FGGY: variants seen among roughly 807,000 people sequenced by gnomAD.
FGGY encodes the protein FGGY carbohydrate kinase domain-containing protein.
Under a neutral mutation model 71.3 loss-of-function variants are expected in FGGY, and 72 were observed. The ratio of observed to expected loss-of-function variants is 1.01; its 90% CI spans 0.84 to 1.23. FGGY has a LOEUF of 1.23. Ranked by LOEUF, FGGY falls within the 50% of genes most tolerant of loss-of-function variation. FGGY has a pLI of 0.00. For synonymous variants in FGGY, 251 were observed against 250.3 expected, an observed-to-expected ratio of 1.00 and a Z score of -0.02; for missense variants, 668 against 682.3, an observed-to-expected ratio of 0.98 and a Z score of 0.23.
intron 14 of FGGY, among the ~76,000 whole-genome samples, chr1:59,706,438 T>C (rs1433899821): frequency 6.6e-6 from 1 of 152,338 alleles, no homozygotes; most frequent in East Asian, 1.9e-4. Context: ...ACTTGGCACA[T>C]AGTACAGTAC....
intron 6 of FGGY, among the ~76,000 whole-genome samples, chr1:59,511,994 G>A (rs1349961033): frequency 2.2e-4 from 33 of 152,172 alleles, no homozygotes; most frequent in Admixed American, 2.2e-3. Flanking sequence ...AATGGTTTGA[G>A]CATTTAAACC....
chr1:59,709,054 TCATACACACA>T (rs1387045162), intron 14 of FGGY, among the ~76,000 whole-genome samples: 6 of 152,354 alleles, frequency 3.9e-5, no homozygotes, highest in African/African-American at 9.6e-5. Flanking sequence ...ATATATGTGT[TCATACACACA>T]CATACACACA....
intron 9 of FGGY, among the ~76,000 whole-genome samples, chr1:59,622,463 G>C (rs1025965727): frequency 1.3e-5 from 2 of 152,076 alleles, no homozygotes; most frequent in African/African-American, 4.8e-5. Flanking sequence ...TTAGCAGGCA[G>C]TTTATTTGGC....
At chr1:59,353,830 G>A (rs1272605232) in intron 4 of FGGY, among the ~76,000 whole-genome samples, 4 of 152,062 alleles carry the variant, frequency 2.6e-5, no homozygotes, top group Non-Finnish European at 5.9e-5. Flanking sequence ...TCCCTCATCT[G>A]CTACCTTATG....
intron 5 of FGGY, among the ~76,000 whole-genome samples, chr1:59,416,025 T>A (rs1287299080): frequency 6.6e-6 from 1 of 152,216 alleles, no homozygotes; most frequent in Non-Finnish European, 1.5e-5. Flanking sequence ...GAGGAATCTG[T>A]TGTGTGGCCA....
At chr1:59,520,934 C>A (rs192798239) in intron 7 of FGGY, among the ~76,000 whole-genome samples, 4 of 151,688 alleles carry the variant, frequency 2.6e-5, no homozygotes, top group Non-Finnish European at 4.4e-5. Context: ...TGCGCAGGAG[C>A]CAGGCCAGGC....
At chr1:59,658,618 A>G (rs965136161) in intron 11 of FGGY, among the ~76,000 whole-genome samples, 55 of 152,230 alleles carry the variant, frequency 3.6e-4, no homozygotes, top group Non-Finnish European at 6.6e-4. Flanking sequence ...GAAGAAGCAC[A>G]TGAGACAGTG....
intron 2 of FGGY, among the ~76,000 whole-genome samples, chr1:59,326,127 G>C (rs2047389050): frequency 6.6e-6 from 1 of 152,186 alleles, no homozygotes; most frequent in South Asian, 2.1e-4. Flanking sequence ...TAGCCAACAG[G>C]TGTTTGTTGA....
intron 14 of FGGY, chr1:59,680,916 G>A (rs2097491496): frequency 6.6e-6 from 1 of 152,138 alleles, no homozygotes; most frequent in Non-Finnish European, 1.5e-5. Context: ...CCTCTCACAA[G>A]GTGGTATCGT....
At chr1:59,537,599 C>T (rs1326363683) in intron 7 of FGGY, among the ~76,000 whole-genome samples, 1 of 152,220 alleles carries the variant, frequency 6.6e-6, no homozygotes, top group Non-Finnish European at 1.5e-5. Context: ...TCAAGCTATA[C>T]TACAAGGGTA....
At chr1:59,472,691 C>G (rs957625485) in intron 6 of FGGY, among the ~76,000 whole-genome samples, 2 of 152,168 alleles carry the variant, frequency 1.3e-5, no homozygotes, top group Non-Finnish European at 2.9e-5. Context: ...ATGCACCAGT[C>G]CACACTCTGT....
At chr1:59,519,654 C>T (rs2094767979) in intron 7 of FGGY, among the ~76,000 whole-genome samples, 1 of 152,196 alleles carries the variant, frequency 6.6e-6, no homozygotes, top group South Asian at 2.1e-4. Context: ...ACAACCACCA[C>T]TCTGACTGGT....
chr1:59,391,426 A>G (rs1007111465), intron 5 of FGGY, among the ~76,000 whole-genome samples: 1 of 152,220 alleles, frequency 6.6e-6, no homozygotes, highest in Non-Finnish European at 1.5e-5. Flanking sequence ...ACAGGTTCTC[A>G]GGGACTGTGC....
chr1:59,389,646 G>A (rs1394775321), intron 5 of FGGY, among the ~76,000 whole-genome samples: 3 of 152,184 alleles, frequency 2.0e-5, no homozygotes, highest in South Asian at 2.1e-4. Context: ...AGTTTAGCTT[G>A]GTGAGGAACC....
At chr1:59,400,038 G>A (rs935008545) in intron 5 of FGGY, among the ~76,000 whole-genome samples, 28 of 152,210 alleles carry the variant, frequency 1.8e-4, no homozygotes, top group African/African-American at 6.3e-4. Flanking sequence ...TAGAAACCAA[G>A]TGTGTTTTGG....
At chr1:59,690,619 G>A (rs1256404075) in intron 14 of FGGY, among the ~76,000 whole-genome samples, 1 of 152,128 alleles carries the variant, frequency 6.6e-6, no homozygotes, top group African/African-American at 2.4e-5. Flanking sequence ...CCATATAAGG[G>A]TCCAAGTCTT....
intron 1 of FGGY, among the ~76,000 whole-genome samples, chr1:59,298,257 C>A (rs951331558): frequency 6.6e-6 from 1 of 152,134 alleles, no homozygotes; most frequent in Non-Finnish European, 1.5e-5. Context: ...TGGCTCTTGA[C>A]CTGATGGCCA....
intron 5 of FGGY, among the ~76,000 whole-genome samples, chr1:59,406,080 T>TA (rs1255881613): frequency 6.6e-6 from 1 of 152,004 alleles, no homozygotes; most frequent in African/African-American, 2.4e-5. Context: ...AAATGTTTTT[T>TA]AAAAAGCTTT....
intron 5 of FGGY, among the ~76,000 whole-genome samples, chr1:59,399,946 C>T (rs543425591): frequency 1.3e-5 from 2 of 152,180 alleles, no homozygotes; most frequent in Admixed American, 1.3e-4. Flanking sequence ...TGGACTTGAA[C>T]ATGAAAATGC....
Sources: allele counts gnomAD v4.1 joint callset (sites outside exome capture counted in the v4.1 genomes callset), GRCh38; gene constraint gnomAD v4.1.1; transcripts MANE v1.5; gene names NCBI Gene and HGNC (gene_info 2026-07-23, HGNC 2026-07-21).